UNC5C: variants seen among roughly 807,000 people sequenced by gnomAD.
UNC5C encodes the protein unc-5 netrin receptor C, also known as netrin receptor UNC5C.
UNC5C carries 47 observed loss-of-function variants against 99.8 expected under a neutral mutation model. That is an observed-to-expected ratio of 0.47 (90% CI 0.37 to 0.60). The LOEUF is 0.60. Among genes scored for constraint, UNC5C ranks in the 20% least tolerant of loss-of-function variants. The pLI is 0.00. For missense variants in UNC5C, 1,062 were observed against 1,165.9 expected (o/e 0.91, Z 1.30); for synonymous variants, 487 against 452.2 (o/e 1.08, Z -0.98).
chr4:95,190,232 TCA>T (rs1278630786), intron 12 of UNC5C, among the ~76,000 whole-genome samples: 8 of 151,336 alleles, frequency 5.3e-5, no homozygotes, highest in African/African-American at 1.7e-4. Context: ...CAGTAAACTA[TCA>T]CAAGAACAAA....
chr4:95,174,417 G>A (rs1474941878), intron 14 of UNC5C, among the ~76,000 whole-genome samples: 4 of 151,880 alleles, frequency 2.6e-5, no homozygotes, highest in Non-Finnish European at 4.4e-5. Context: ...GCTTTGAATG[G>A]GTCCCAGAGA....
intron 1 of UNC5C, among the ~76,000 whole-genome samples, chr4:95,521,545 T>G (rs1181711951): frequency 6.6e-6 from 1 of 152,030 alleles, no homozygotes; most frequent in Non-Finnish European, 1.5e-5. Flanking sequence ...GGGCATTGAT[T>G]CCCATCATCA....
intron 2 of UNC5C, among the ~76,000 whole-genome samples, chr4:95,310,650 C>T (rs914760692): frequency 5.3e-5 from 8 of 152,060 alleles, no homozygotes; most frequent in Non-Finnish European, 1.2e-4. Context: ...TGCTTGGAAG[C>T]ATTTCTAGGT....
chr4:95,375,860 G>A (rs1302162178), intron 1 of UNC5C, among the ~76,000 whole-genome samples: 3 of 152,166 alleles, frequency 2.0e-5, no homozygotes, highest in Middle Eastern at 3.4e-3. Context: ...GGTAGATCAC[G>A]AGGTCAGGAG....
chr4:95,360,813 A>G lies in UNC5C; in HGVS notation c.125-25182T>C, dbSNP rs746791269. Among the ~76,000 whole-genome samples, 202 of 152,290 alleles carry G rather than the reference A, an allele frequency of 1.3e-3. 1 individual carries two copies. The highest frequency in any genetic ancestry group is 1.6e-3 in the Non-Finnish European group (110 of 68,034). On this transcript the variant is annotated intron_variant, in intron 1 of 15. Transcript: ENST00000453304. ...TGTTTTATTAAACCTCCAAAAAAGA[A>G]ATTAGAATTGGCCATCTTTGGAAAT...
At chr4:95,388,211 G>T (rs1206794320) in intron 1 of UNC5C, among the ~76,000 whole-genome samples, 1 of 152,074 alleles carries the variant, frequency 6.6e-6, no homozygotes, top group East Asian at 1.9e-4. Context: ...TACCAATCTG[G>T]CACTACATAA....
intron 1 of UNC5C, among the ~76,000 whole-genome samples, chr4:95,402,955 G>A (rs1214954219): frequency 6.6e-6 from 1 of 152,084 alleles, no homozygotes; most frequent in Non-Finnish European, 1.5e-5. Flanking sequence ...TTTCATGTAT[G>A]AGATACTATT....
In UNC5C at chr4:95,278,244, A is replaced by G. The variant is rs1380452040; in HGVS notation, c.594+15T>C. 1.2e-6 allele frequency: 2 copies of G among 1,603,674 alleles called. No homozygotes were observed. The highest frequency in any genetic ancestry group is 1.7e-6 in the Non-Finnish European group (2 of 1,170,758). On this transcript the variant is annotated intron_variant, in intron 4 of 15. Coordinates refer to ENST00000453304, the MANE Select transcript of UNC5C (RefSeq NM_003728.4). Reference sequence around the variant, plus strand: ...TAGTGCCAATTGCTAAATGCAAAGAATTGTTGTTATTCACCTCAGCCACTG... The same window carrying G: ...TAGTGCCAATTGCTAAATGCAAAGAGTTGTTGTTATTCACCTCAGCCACTG...
Position 95,167,835 on chromosome 4 carries a change from A to AGAG in UNC5C, c.*1396_*1398dup, listed in dbSNP as rs1449870174. 1 of 152,232 alleles carries AGAG rather than the reference A, an allele frequency of 6.6e-6. No homozygotes were observed. The highest frequency in any genetic ancestry group is 2.4e-5 in the African/African-American group (1 of 41,468). 9.4% of individuals were successfully genotyped at this position (152,232 alleles called of 1,614,324 possible). A position where few individuals can be genotyped will look rare whatever the true frequency, so the allele number is the denominator to read the frequency against. ...TGATTTTTAAATGATGATCCAGGTC[A>AGAG]GAGTCCATTGTGGTCTTCAGACTGA... is the stretch of plus-strand genomic sequence containing the variant. On this transcript the variant is annotated 3_prime_UTR_variant, in exon 16 of 16. Coordinates refer to ENST00000453304, the MANE Select transcript of UNC5C (RefSeq NM_003728.4).
chr4:95,424,813 G>T (rs116022080), intron 1 of UNC5C, among the ~76,000 whole-genome samples: 1 of 151,786 alleles, frequency 6.6e-6, no homozygotes, highest in Non-Finnish European at 1.5e-5. Context: ...GTGAGCCACC[G>T]CACCCGCCCC....
chr4:95,329,026 C>A (rs935447402), intron 2 of UNC5C, among the ~76,000 whole-genome samples: 1 of 152,144 alleles, frequency 6.6e-6, no homozygotes, highest in African/African-American at 2.4e-5. Context: ...GTGGAGGGAA[C>A]TCTCCTCTCT....
chr4:95,311,641 A>G (rs1273190254), intron 2 of UNC5C, among the ~76,000 whole-genome samples: 1 of 152,206 alleles, frequency 6.6e-6, no homozygotes, highest in Admixed American at 6.5e-5. Context: ...TGTGAATTAT[A>G]GACCTCACTA....
chr4:95,392,756 T>A (rs1027825929), intron 1 of UNC5C, among the ~76,000 whole-genome samples: 1 of 152,218 alleles, frequency 6.6e-6, no homozygotes, highest in Admixed American at 6.5e-5. Flanking sequence ...GCTTTTTCGA[T>A]AGACTATTCC....
At chr4:95,537,140 T>C (rs1259412297) in intron 1 of UNC5C, among the ~76,000 whole-genome samples, 1 of 152,138 alleles carries the variant, frequency 6.6e-6, no homozygotes, top group Admixed American at 6.5e-5. Context: ...AAAACCCATA[T>C]AAGGAAATAT....
chr4:95,246,066 C>T (rs1452797290), intron 5 of UNC5C, among the ~76,000 whole-genome samples: 1 of 152,042 alleles, frequency 6.6e-6, no homozygotes, highest in Non-Finnish European at 1.5e-5. Flanking sequence ...TTTCTAGAAA[C>T]CTATACAATA....
chr4:95,309,333 A>G (rs1024851156), intron 2 of UNC5C, among the ~76,000 whole-genome samples: 2 of 152,158 alleles, frequency 1.3e-5, no homozygotes, highest in Non-Finnish European at 2.9e-5. Flanking sequence ...AAACCGCTAG[A>G]AAAAAACATA....
intron 1 of UNC5C, 124 bp downstream of exon 1, chr4:95,548,610 G>C: frequency 8.9e-7 from 1 of 1,124,660 alleles, no homozygotes; most frequent in Non-Finnish European, 1.2e-6. Context: ...GTGGAATTTA[G>C]AGTGGTTTCC....
At chr4:95,447,791 C>T (rs369678145) in intron 1 of UNC5C, among the ~76,000 whole-genome samples, 1 of 152,148 alleles carries the variant, frequency 6.6e-6, no homozygotes, top group Non-Finnish European at 1.5e-5. Flanking sequence ...TGACCCACTG[C>T]GCCCAGCCTG....
intron 3 of UNC5C, among the ~76,000 whole-genome samples, chr4:95,292,007 T>G (rs543981485): frequency 6.6e-6 from 1 of 152,012 alleles, no homozygotes; most frequent in Non-Finnish European, 1.5e-5. Flanking sequence ...CTGTTTATAG[T>G]ATGACCTTCA....
Sources: allele counts gnomAD v4.1 joint callset (sites outside exome capture counted in the v4.1 genomes callset), GRCh38; gene constraint gnomAD v4.1.1; transcripts MANE v1.5; gene names NCBI Gene and HGNC (gene_info 2026-07-23, HGNC 2026-07-21).